PVT1: variants seen among roughly 807,000 people sequenced by gnomAD.
PVT1 encodes CXCR4/PVT1 fusion.
At chr8:127,859,400 T>C (rs1815195340) in intron 2 of PVT1, among the ~76,000 whole-genome samples, 1 of 152,156 alleles carries the variant, frequency 6.6e-6, no homozygotes, top group Non-Finnish European at 1.5e-5. Flanking sequence ...AGCAGCTTTC[T>C]CATATTACGC....
At chr8:127,984,863 TTC>T (rs1490447659) in intron 3 of PVT1, among the ~76,000 whole-genome samples, 1 of 66,424 alleles carries the variant, frequency 1.5e-5, no homozygotes, top group African/African-American at 5.1e-5. Flanking sequence ...CTTTCTTTCT[TTC>T]TTTCTTTCTT....
intron 2 of PVT1, among the ~76,000 whole-genome samples, chr8:127,854,494 T>C (rs1025425173): frequency 7.2e-5 from 11 of 152,194 alleles, no homozygotes; most frequent in Non-Finnish European, 1.5e-4. Flanking sequence ...CAAATTGTCA[T>C]GTGACCCTCT....
At chr8:127,903,354 G>T (rs1815781940) in intron 3 of PVT1, among the ~76,000 whole-genome samples, 1 of 152,130 alleles carries the variant, frequency 6.6e-6, no homozygotes, top group Non-Finnish European at 1.5e-5. Context: ...TGCATACTTT[G>T]TGAATATTTT....
chr8:127,889,296 A>G (rs1018587326), intron 2 of PVT1, among the ~76,000 whole-genome samples: 1 of 151,640 alleles, frequency 6.6e-6, no homozygotes, highest in African/African-American at 2.4e-5. Context: ...CACCCAGCTA[A>G]TTTTTGTATT....
At chr8:128,036,949 C>T (rs1221023348) in intron 4 of PVT1, among the ~76,000 whole-genome samples, 1 of 152,190 alleles carries the variant, frequency 6.6e-6, no homozygotes, top group African/African-American at 2.4e-5. Context: ...GCCTCCAGGC[C>T]CACCATGGGT....
chr8:127,838,840 C>T (rs780598113), intron 2 of PVT1, among the ~76,000 whole-genome samples: 8 of 152,142 alleles, frequency 5.3e-5, no homozygotes, highest in South Asian at 2.1e-4. Context: ...AGTCATGTAC[C>T]ACATAATGAT....
intron 5 of PVT1, among the ~76,000 whole-genome samples, chr8:128,083,214 C>T (rs567163144): frequency 6.6e-6 from 1 of 152,206 alleles, no homozygotes; most frequent in Non-Finnish European, 1.5e-5. Context: ...ATACTGAATT[C>T]ATATGATTGT....
chr8:127,877,825 C>T (rs1018679455), intron 2 of PVT1, among the ~76,000 whole-genome samples: 2 of 152,108 alleles, frequency 1.3e-5, no homozygotes, highest in Non-Finnish European at 2.9e-5. Flanking sequence ...ACTCTGGAGG[C>T]TGAGGTGGGA....
At chr8:127,873,542 G>A (rs766652121) in intron 2 of PVT1, among the ~76,000 whole-genome samples, 12 of 152,090 alleles carry the variant, frequency 7.9e-5, no homozygotes, top group Admixed American at 2.6e-4. Flanking sequence ...GGAGGGACCC[G>A]GCGTGCAATT....
chr8:128,062,412 G>A (rs1310833073), intron 4 of PVT1, among the ~76,000 whole-genome samples: 1 of 152,036 alleles, frequency 6.6e-6, no homozygotes, highest in African/African-American at 2.4e-5. Context: ...CTGTTCAGAG[G>A]AGCAGGCAAC....
intron 3 of PVT1, among the ~76,000 whole-genome samples, chr8:127,972,313 A>G (rs148001706): frequency 0.011 from 1,695 of 152,348 alleles, 14 homozygotes; most frequent in Non-Finnish European, 0.02. Flanking sequence ...TGGGCTGAGC[A>G]GCAGGCAGGG....
chr8:127,978,087 C>T (rs1187331817), intron 3 of PVT1, among the ~76,000 whole-genome samples: 1 of 152,200 alleles, frequency 6.6e-6, no homozygotes, highest in Admixed American at 6.5e-5. Context: ...CACACTGTCA[C>T]TTCTTTCAAG....
At chr8:127,955,959 G>A (rs1184708718) in intron 3 of PVT1, among the ~76,000 whole-genome samples, 2 of 152,218 alleles carry the variant, frequency 1.3e-5, no homozygotes, top group East Asian at 3.8e-4. Context: ...TGCCCAATTA[G>A]TTTCTGCAAG....
chr8:127,914,687 G>A (rs943247398), intron 3 of PVT1, among the ~76,000 whole-genome samples: 1 of 152,102 alleles, frequency 6.6e-6, no homozygotes, highest in Non-Finnish European at 1.5e-5. Flanking sequence ...GGCACAAAAA[G>A]TCACATATTG....
chr8:127,834,625 C>G (rs1295300890), intron 2 of PVT1, among the ~76,000 whole-genome samples: 2 of 152,042 alleles, frequency 1.3e-5, no homozygotes, highest in Non-Finnish European at 2.9e-5. Flanking sequence ...CTATCAGAGT[C>G]AACAAGGAAC....
At chr8:127,861,595 C>CTA (rs1815229229) in intron 2 of PVT1, among the ~76,000 whole-genome samples, 2 of 151,884 alleles carry the variant, frequency 1.3e-5, no homozygotes, top group African/African-American at 4.8e-5. Context: ...ACCATCTCCT[C>CTA]TATGTCTTTT....
intron 4 of PVT1, among the ~76,000 whole-genome samples, chr8:128,030,150 C>T (rs56360596): frequency 6.6e-6 from 1 of 151,984 alleles, no homozygotes; most frequent in South Asian, 2.1e-4. Flanking sequence ...TTTATCCTAC[C>T]AACGTATATA....
chr8:127,832,159 G>A (rs1251961468), intron 2 of PVT1, among the ~76,000 whole-genome samples: 1 of 151,820 alleles, frequency 6.6e-6, no homozygotes, highest in African/African-American at 2.4e-5. Flanking sequence ...CCCCCATCTC[G>A]GCATACATCC....
chr8:128,062,841 A>G (rs1348132184), intron 4 of PVT1, among the ~76,000 whole-genome samples: 1 of 152,202 alleles, frequency 6.6e-6, no homozygotes, highest in Non-Finnish European at 1.5e-5. Flanking sequence ...TTTCTAGAAC[A>G]GGCTTCCTTC....
Sources: allele counts gnomAD v4.1 joint callset (sites outside exome capture counted in the v4.1 genomes callset), GRCh38; gene constraint gnomAD v4.1.1; transcripts MANE v1.5; gene names NCBI Gene and HGNC (gene_info 2026-07-23, HGNC 2026-07-21).